Variants in MAGI1 observed in about 807,000 individuals in gnomAD.
The protein encoded by MAGI1 is membrane-associated guanylate kinase, WW and PDZ domain-containing protein 1.
Under a neutral mutation model 139.9 loss-of-function variants are expected in MAGI1, and 58 were observed. The observed-to-expected ratio is 0.41, with a 90% confidence interval of 0.34 to 0.52. The LOEUF (loss-of-function observed/expected upper bound fraction) is 0.52. MAGI1 is among the 20% of genes least tolerant of loss of function. The pLI is 0.12. For missense variants in MAGI1, 1,874 were observed against 1,901.6 expected, an observed-to-expected ratio of 0.99 and a Z score of 0.27; for synonymous variants, 812 against 737.9, an observed-to-expected ratio of 1.10 and a Z score of -1.63.
At chr3:65,749,015 A>G (rs2035925952) in intron 1 of MAGI1, among the ~76,000 whole-genome samples, 1 of 152,202 alleles carries the variant, frequency 6.6e-6, no homozygotes, top group Non-Finnish European at 1.5e-5. Flanking sequence ...AGGGGTGGAC[A>G]GTAGATGTGT....
At chr3:65,430,177 C>T in intron 11 of MAGI1, 37 bp from the exon 12 acceptor site, 1 of 1,600,072 alleles carries the variant, frequency 6.2e-7, no homozygotes, top group Non-Finnish European at 8.5e-7. Context: ...AAGAAAACAG[C>T]ACCCAGAAAA....
At chr3:65,651,453 G>C (rs945456224) in intron 1 of MAGI1, among the ~76,000 whole-genome samples, 3 of 152,104 alleles carry the variant, frequency 2.0e-5, no homozygotes, top group Admixed American at 6.6e-5. Context: ...CTGGCAGCTA[G>C]AACCCCAGGA....
intron 2 of MAGI1, among the ~76,000 whole-genome samples, chr3:65,544,041 A>G (rs1056412818): frequency 2.0e-5 from 3 of 152,312 alleles, no homozygotes; most frequent in South Asian, 2.1e-4. Context: ...ATATGGGGAA[A>G]GGGAGAGGTG....
chr3:65,673,827 C>T (rs1041731231), intron 1 of MAGI1, among the ~76,000 whole-genome samples: 1 of 152,158 alleles, frequency 6.6e-6, no homozygotes, highest in Non-Finnish European at 1.5e-5. Flanking sequence ...TAGGCGTTTC[C>T]TATTTCACCT....
chr3:65,398,506 AAG>A (rs1251776506), intron 13 of MAGI1, among the ~76,000 whole-genome samples: 5 of 152,180 alleles, frequency 3.3e-5, no homozygotes, highest in Middle Eastern at 3.2e-3. Context: ...CTCAAAAAAA[AAG>A]AGGGGACAGA....
chr3:65,413,181 A>T (rs1173228321), intron 12 of MAGI1, among the ~76,000 whole-genome samples: 4 of 152,162 alleles, frequency 2.6e-5, no homozygotes, highest in Non-Finnish European at 5.9e-5. Flanking sequence ...TTGTCACAAG[A>T]TACTTCTGCA....
chr3:65,992,423 G>A (rs192093725), intron 1 of MAGI1, among the ~76,000 whole-genome samples: 2 of 150,626 alleles, frequency 1.3e-5, no homozygotes, highest in East Asian at 2.0e-4. Flanking sequence ...TGGACTGAGT[G>A]CAGTTTGCAT....
chr3:65,478,875 C>A, intron 3 of MAGI1, 77 bp from the exon 4 acceptor site: 4 of 1,083,106 alleles, frequency 3.7e-6, no homozygotes, highest in South Asian at 2.7e-5. Flanking sequence ...ACATCCAAAT[C>A]TCTAGGCACA....
intron 2 of MAGI1, among the ~76,000 whole-genome samples, chr3:65,573,218 TTAA>T (rs2081035477): frequency 6.6e-6 from 1 of 152,098 alleles, no homozygotes; most frequent in African/African-American, 2.4e-5. Context: ...TTTTTTCTAC[TTAA>T]TATTATAGAC....
intron 3 of MAGI1, among the ~76,000 whole-genome samples, chr3:65,482,559 T>A (rs1951357505): frequency 6.6e-6 from 1 of 152,218 alleles, no homozygotes; most frequent in Admixed American, 6.5e-5. Context: ...CATAGGATTA[T>A]TGTGAAAATT....
At chr3:65,950,902 T>C (rs931309485) in intron 1 of MAGI1, among the ~76,000 whole-genome samples, 2 of 150,832 alleles carry the variant, frequency 1.3e-5, no homozygotes, top group Non-Finnish European at 2.9e-5. Flanking sequence ...ATTAAAAGAA[T>C]TGTCTTGGAC....
chr3:65,798,399 G>C (rs546078007), intron 1 of MAGI1, among the ~76,000 whole-genome samples: 1 of 152,192 alleles, frequency 6.6e-6, no homozygotes, highest in East Asian at 1.9e-4. Flanking sequence ...TTCCTCCCGG[G>C]AAACATAAGT....
chr3:65,923,210 T>G (rs977103654), intron 1 of MAGI1, among the ~76,000 whole-genome samples: 1 of 148,122 alleles, frequency 6.8e-6, no homozygotes, highest in African/African-American at 2.5e-5. Flanking sequence ...ATGTTAAGCT[T>G]GCATTCAACA....
At chr3:65,850,126 C>A (rs2059152993) in intron 1 of MAGI1, among the ~76,000 whole-genome samples, 1 of 151,916 alleles carries the variant, frequency 6.6e-6, no homozygotes, top group Non-Finnish European at 1.5e-5. Flanking sequence ...TGTTTGAATA[C>A]CCTATTTCTT....
intron 1 of MAGI1, among the ~76,000 whole-genome samples, chr3:65,952,811 C>G (rs550910235): frequency 6.6e-6 from 1 of 152,306 alleles, no homozygotes; most frequent in South Asian, 2.1e-4. Flanking sequence ...GAGACTTCAT[C>G]TCAAAAACAA....
At position 65,842,563 on chromosome 3, in the gene MAGI1, G is replaced by A. The variant is rs1047228655; in HGVS notation, c.313+195433C>T. On this transcript the variant is annotated intron_variant, in intron 1 of 22. Transcript: ENST00000402939. ...TTTAGTAGAGACAGGGTTTCTCCATGTTGGTCAGGCTGGTCTTGAACTACC... is the reference window on the plus strand; with the variant it reads ...TTTAGTAGAGACAGGGTTTCTCCATATTGGTCAGGCTGGTCTTGAACTACC... 2.0e-5 allele frequency among the ~76,000 whole-genome samples: 3 copies of A among 152,134 alleles called. No homozygotes were observed. In the East Asian group the frequency reaches 5.8e-4, roughly 30 times the overall value.
chr3:65,573,368 A>T (rs1298969359), intron 2 of MAGI1, among the ~76,000 whole-genome samples: 1 of 152,096 alleles, frequency 6.6e-6, no homozygotes, highest in East Asian at 1.9e-4. Flanking sequence ...GCAAATAGGG[A>T]AATAGAGTTT....
At chr3:65,819,875 C>CAAAAAGAAAAAAAAAAAAAAAAAAAAAA (rs2041840261) in intron 1 of MAGI1, among the ~76,000 whole-genome samples, 1 of 33,454 alleles carries the variant, frequency 3.0e-5, no homozygotes, top group Non-Finnish European at 6.4e-5. Flanking sequence ...GACTCCATCT[C>CAAAAAGAAAAAAAAAAAAAAAAAAAAAA]AAAAAAAAAA....
intron 1 of MAGI1, among the ~76,000 whole-genome samples, chr3:65,728,601 A>G (rs2033859541): frequency 6.6e-6 from 1 of 152,220 alleles, no homozygotes; most frequent in African/African-American, 2.4e-5. Context: ...GTCAAACTAG[A>G]TAGTCATTCA....
Sources: allele counts gnomAD v4.1 joint callset (sites outside exome capture counted in the v4.1 genomes callset), GRCh38; gene constraint gnomAD v4.1.1; transcripts MANE v1.5; gene names NCBI Gene and HGNC (gene_info 2026-07-23, HGNC 2026-07-21).